HTR1F: variants seen among roughly 807,000 people sequenced by gnomAD.
HTR1F encodes the protein 5-hydroxytryptamine receptor 1F.
HTR1F carries 17 observed loss-of-function variants against 24.0 expected under a neutral mutation model. The ratio of observed to expected loss-of-function variants is 0.71; its 90% CI spans 0.48 to 1.06. HTR1F has a LOEUF of 1.06. HTR1F is among the 50% of genes least tolerant of loss of function. The probability of loss-of-function intolerance (pLI) is 0.00; values close to 1 mark genes in which losing one functional copy is unlikely to be tolerated. For missense variants in HTR1F, 391 were observed against 427.8 expected (o/e 0.91, Z 0.76); for synonymous variants, 186 against 156.8 (o/e 1.19, Z -1.39).
intron 2 of HTR1F, among the ~76,000 whole-genome samples, chr3:87,957,705 CT>C (rs1436964472): frequency 6.6e-6 from 1 of 151,132 alleles, no homozygotes; most frequent in African/African-American, 2.4e-5. Context: ...TCTTAATACT[CT>C]TTTTTTATCC....
At chr3:87,814,993 T>A (rs536922158) in intron 1 of HTR1F, among the ~76,000 whole-genome samples, 2 of 152,258 alleles carry the variant, frequency 1.3e-5, no homozygotes, top group East Asian at 3.9e-4. Flanking sequence ...CTATGGGCAA[T>A]GACACATGGA....
At chr3:87,928,557 C>A (rs1411044589) in intron 2 of HTR1F, among the ~76,000 whole-genome samples, 1 of 152,108 alleles carries the variant, frequency 6.6e-6, no homozygotes. Context: ...TTCATTTGCA[C>A]AATCTATGTA....
intron 2 of HTR1F, among the ~76,000 whole-genome samples, chr3:87,897,218 CAT>C (rs898152413): frequency 7.2e-6 from 1 of 138,452 alleles, no homozygotes; most frequent in African/African-American, 3.0e-5. Flanking sequence ...AATATATAAA[CAT>C]ATATATATAA....
intron 1 of HTR1F, among the ~76,000 whole-genome samples, chr3:87,794,074 G>T (rs527831862): frequency 6.6e-6 from 1 of 151,926 alleles, no homozygotes. Context: ...TTGATTTGAT[G>T]ATCAACAGTC....
rs1198491289 is a variant in HTR1F, at chr3:87,893,998, CT to C, written c.-43+71881del. On this transcript the variant is annotated intron_variant, in intron 2 of 2. Transcript: ENST00000319595. ...TTTTTTTCCTTTCTGCTTTGGACAGCTTTTTTTATTTTTCTTTTTTTTTTAT... is the reference window on the plus strand; with the variant it reads ...TTTTTTTCCTTTCTGCTTTGGACAGCTTTTTTATTTTTCTTTTTTTTTTAT... Among the ~76,000 whole-genome samples the C allele has an allele frequency of 5.4e-5, 8 of 148,692 alleles. No individual in the cohort carries two copies. The East Asian group carries it at 1.6e-3, about 29-fold the overall frequency.
chr3:87,824,645 C>T (rs1704426541), intron 2 of HTR1F, among the ~76,000 whole-genome samples: 1 of 152,098 alleles, frequency 6.6e-6, no homozygotes, highest in Non-Finnish European at 1.5e-5. Flanking sequence ...ATGAAACAGA[C>T]CTAGAATTGA....
intron 2 of HTR1F, among the ~76,000 whole-genome samples, chr3:87,892,244 TA>T (rs1293495290): frequency 6.6e-6 from 1 of 152,190 alleles, no homozygotes; most frequent in Non-Finnish European, 1.5e-5. Flanking sequence ...AAGGCATAGA[TA>T]AAATTTTGAA....
intron 2 of HTR1F, among the ~76,000 whole-genome samples, chr3:87,842,792 C>A (rs781728502): frequency 6.6e-6 from 1 of 151,884 alleles, no homozygotes; most frequent in Admixed American, 6.6e-5. Context: ...TTTGGCACTT[C>A]ATTTCTAGTA....
At chr3:87,834,619 G>T (rs1007316495) in intron 2 of HTR1F, among the ~76,000 whole-genome samples, 4 of 152,100 alleles carry the variant, frequency 2.6e-5, no homozygotes, top group Non-Finnish European at 5.9e-5. Flanking sequence ...ATGGATATAT[G>T]AATGAATGAA....
At chr3:87,978,391 G>A (rs1344699434) in intron 2 of HTR1F, among the ~76,000 whole-genome samples, 1 of 152,176 alleles carries the variant, frequency 6.6e-6, no homozygotes, top group Non-Finnish European at 1.5e-5. Flanking sequence ...GTTCTTGGAA[G>A]TTCAGGAAGA....
chr3:87,825,719 C>A (rs1704449252), intron 2 of HTR1F, among the ~76,000 whole-genome samples: 1 of 152,126 alleles, frequency 6.6e-6, no homozygotes, highest in South Asian at 2.1e-4. Context: ...CCCATAAAAC[C>A]ATAGAGGAAT....
chr3:87,938,834 C>T (rs1576061582), intron 2 of HTR1F, among the ~76,000 whole-genome samples: 2 of 152,086 alleles, frequency 1.3e-5, no homozygotes. Context: ...ACTATAAAAA[C>T]CTGGAAGACA....
At chr3:87,807,687 C>T (rs774127858) in intron 1 of HTR1F, among the ~76,000 whole-genome samples, 2 of 151,856 alleles carry the variant, frequency 1.3e-5, no homozygotes, top group African/African-American at 4.8e-5. Flanking sequence ...TTGTCATCCT[C>T]ATCTTGTTCT....
At chr3:87,855,575 C>T (rs1431755403) in intron 2 of HTR1F, among the ~76,000 whole-genome samples, 4 of 152,012 alleles carry the variant, frequency 2.6e-5, no homozygotes, top group Admixed American at 6.6e-5. Flanking sequence ...TAGGGGGCCA[C>T]ATTTTTAGAA....
intron 2 of HTR1F, among the ~76,000 whole-genome samples, chr3:87,845,076 C>T (rs2107188313): frequency 6.6e-6 from 1 of 151,706 alleles, no homozygotes; most frequent in South Asian, 2.1e-4. Context: ...ATTGATGGGA[C>T]ATATTTCAAA....
At chr3:87,883,063 A>G (rs1028019087) in intron 2 of HTR1F, among the ~76,000 whole-genome samples, 3 of 152,008 alleles carry the variant, frequency 2.0e-5, no homozygotes, top group Non-Finnish European at 4.4e-5. Flanking sequence ...CGGACACCTC[A>G]TACAGGTGGG....
At chr3:87,812,045 C>T (rs973923865) in intron 1 of HTR1F, among the ~76,000 whole-genome samples, 6 of 152,138 alleles carry the variant, frequency 3.9e-5, no homozygotes, top group Non-Finnish European at 8.8e-5. Flanking sequence ...TGAGGCCTCC[C>T]TAGCCATGCA....
At chr3:87,823,514 A>ATTT (rs1491511505) in intron 2 of HTR1F, among the ~76,000 whole-genome samples, 6 of 121,450 alleles carry the variant, frequency 4.9e-5, no homozygotes, top group African/African-American at 1.3e-4. Flanking sequence ...AACTGGTCCC[A>ATTT]TATTTTTTTT....
chr3:87,889,658 A>G (rs1324212885), intron 2 of HTR1F, among the ~76,000 whole-genome samples: 1 of 152,148 alleles, frequency 6.6e-6, no homozygotes, highest in African/African-American at 2.4e-5. Flanking sequence ...GATAATCCAA[A>G]CTATATAAAA....
Sources: allele counts gnomAD v4.1 joint callset (sites outside exome capture counted in the v4.1 genomes callset), GRCh38; gene constraint gnomAD v4.1.1; transcripts MANE v1.5; gene names NCBI Gene and HGNC (gene_info 2026-07-23, HGNC 2026-07-21).